The following DLG2 variants were observed in gnomAD, a reference collection of about 807,000 sequenced individuals.
DLG2 encodes disks large homolog 2.
A neutral mutation model predicts 132.5 loss-of-function variants in DLG2; 45 were observed. The ratio of observed to expected loss-of-function variants is 0.34; its 90% CI spans 0.27 to 0.44. The LOEUF is 0.44. Ranked by LOEUF, DLG2 falls within the 20% of genes least tolerant of loss-of-function variation. The pLI is 1.00. For synonymous variants in DLG2, 424 were observed against 419.6 expected, an observed-to-expected ratio of 1.01 and a Z score of -0.13; for missense variants, 1,045 against 1,196.9, an observed-to-expected ratio of 0.87 and a Z score of 1.87.
Position 83,788,700 on chromosome 11 carries a change from C to T in DLG2, c.1723-1908G>A, listed in dbSNP as rs868178332. ...AACTTCACATGCCAAATAATTTATTCTCTTGTCAAACAGTTAAGGTTTACT... is the reference window on the plus strand; with the variant it reads ...AACTTCACATGCCAAATAATTTATTTTCTTGTCAAACAGTTAAGGTTTACT... On this transcript the variant is annotated intron_variant, in intron 17 of 27. Transcript: ENST00000376104. Among the ~76,000 whole-genome samples the T allele has an allele frequency of 3.9e-5, 6 of 152,188 alleles. No homozygotes were observed. The South Asian group carries it at 1.0e-3, about 26-fold the overall frequency.
At chr11:85,568,731 T>C (rs934873372) in intron 3 of DLG2, among the ~76,000 whole-genome samples, 6 of 152,208 alleles carry the variant, frequency 3.9e-5, no homozygotes, top group Non-Finnish European at 8.8e-5. Context: ...CTTATAATCC[T>C]TATTTCTGTA....
intron 6 of DLG2, among the ~76,000 whole-genome samples, chr11:84,705,970 G>C (rs534621501): frequency 6.6e-6 from 1 of 151,878 alleles, no homozygotes; most frequent in East Asian, 2.0e-4. Flanking sequence ...CCCAGACTCT[G>C]ACACCTCATG....
intron 8 of DLG2, among the ~76,000 whole-genome samples, chr11:84,240,188 A>G (rs1357493034): frequency 6.6e-6 from 1 of 152,206 alleles, no homozygotes; most frequent in Non-Finnish European, 1.5e-5. Flanking sequence ...GGCCTCTTGG[A>G]CTACATGTGC....
intron 4 of DLG2, among the ~76,000 whole-genome samples, chr11:85,234,184 G>A (rs975644314): frequency 2.6e-5 from 4 of 151,928 alleles, no homozygotes; most frequent in Admixed American, 2.6e-4. Context: ...ATACAGGAAG[G>A]TACATCAACA....
intron 3 of DLG2, among the ~76,000 whole-genome samples, chr11:85,515,288 C>G (rs1474451068): frequency 6.6e-6 from 1 of 151,854 alleles, no homozygotes; most frequent in African/African-American, 2.4e-5. Context: ...TATGAGTTCT[C>G]TAACGGGGGC....
At chr11:84,361,750 T>C (rs146235187) in intron 7 of DLG2, among the ~76,000 whole-genome samples, 4,055 of 152,078 alleles carry the variant, frequency 0.027, 90 homozygotes, top group Middle Eastern at 0.054. Flanking sequence ...ATGACTTACA[T>C]AGAGAAATAA....
chr11:85,552,808 T>C (rs2076739553), intron 3 of DLG2, among the ~76,000 whole-genome samples: 1 of 151,464 alleles, frequency 6.6e-6, no homozygotes, highest in Non-Finnish European at 1.5e-5. Flanking sequence ...AACATTCATC[T>C]ATCTATTTAA....
At chr11:83,951,970 T>A (rs1050047195) in intron 14 of DLG2, among the ~76,000 whole-genome samples, 1 of 152,014 alleles carries the variant, frequency 6.6e-6, no homozygotes, top group African/African-American at 2.4e-5. Flanking sequence ...ATATAGAATA[T>A]GAAAGGCGGA....
rs148062907 is a variant in DLG2 at position 83,505,074 on chromosome 11, T to A, written c.2194-20846A>T. ...GTACCATGACAGTGGATAAGGCACT[T>A]CATGAGTCCACAGATGGTAGTCTTG... On this transcript the variant is annotated intron_variant, in intron 21 of 27. Coordinates refer to ENST00000376104, the MANE Select transcript of DLG2 (RefSeq NM_001142699.3). 6.9e-3 allele frequency among the ~76,000 whole-genome samples: 1,055 copies of A among 152,238 alleles called. 18 individuals carry two copies. The highest frequency in any genetic ancestry group is 0.025 in the African/African-American group (1,022 of 41,538).
At chr11:85,483,341 A>T (rs757073170) in intron 3 of DLG2, among the ~76,000 whole-genome samples, 82 of 152,276 alleles carry the variant, frequency 5.4e-4, no homozygotes, top group Non-Finnish European at 8.1e-4. Context: ...AATTTTTTTT[A>T]AAAAATGTGC....
At position 83,493,332 on chromosome 11, in the gene DLG2, TTTCTTTCCTTCCTTCC is replaced by T. The variant is rs1210722469; in HGVS notation, c.2194-9120_2194-9105del. 4.4e-3 allele frequency among the ~76,000 whole-genome samples: 601 copies of T among 135,882 alleles called. 5 individuals carry two copies. Among genetic ancestry groups the T allele is most frequent in the African/African-American group, 0.016 (558 of 35,408 alleles). 89.1% of individuals were successfully genotyped at this position (135,882 alleles called of 152,430 possible). On this transcript the variant is annotated intron_variant, in intron 21 of 27. Transcript: ENST00000376104. ...ACTATTTGCCTTCCTTTGTCTTTTC[TTTCTTTCCTTCCTTCC>T]TTCCTTCCTTCCTTCCTTCCTTCCT...
chr11:84,429,804 C>T (rs189047191), intron 7 of DLG2, among the ~76,000 whole-genome samples: 46 of 152,096 alleles, frequency 3.0e-4, no homozygotes, highest in Non-Finnish European at 4.6e-4. Flanking sequence ...CATTTTCCAA[C>T]GTAATATCAC....
chr11:84,102,590 G>T (rs2092622245), intron 9 of DLG2, among the ~76,000 whole-genome samples: 1 of 152,132 alleles, frequency 6.6e-6, no homozygotes, highest in Non-Finnish European at 1.5e-5. Flanking sequence ...GCACTACTCT[G>T]TAAGGGATAG....
At chr11:85,520,800 G>T (rs1351539245) in intron 3 of DLG2, among the ~76,000 whole-genome samples, 2 of 152,034 alleles carry the variant, frequency 1.3e-5, no homozygotes, top group African/African-American at 4.8e-5. Flanking sequence ...TGGGAAAGCT[G>T]GATATTCATA....
intron 7 of DLG2, among the ~76,000 whole-genome samples, chr11:84,525,100 A>G (rs1035209301): frequency 7.2e-5 from 11 of 151,988 alleles, no homozygotes; most frequent in African/African-American, 2.7e-4. Flanking sequence ...AAGCCCATAT[A>G]TGGTGGTGGT....
At chr11:85,292,280 C>G (rs1200000441) in intron 3 of DLG2, among the ~76,000 whole-genome samples, 1 of 152,054 alleles carries the variant, frequency 6.6e-6, no homozygotes, top group East Asian at 1.9e-4. Flanking sequence ...GGTAAACGTC[C>G]TATCTTAGGC....
At chr11:84,074,859 T>A (rs1303168838) in intron 10 of DLG2, among the ~76,000 whole-genome samples, 1 of 152,140 alleles carries the variant, frequency 6.6e-6, no homozygotes, top group African/African-American at 2.4e-5. Context: ...TTAAATCAGA[T>A]AATATCAATC....
intron 2 of DLG2, among the ~76,000 whole-genome samples, chr11:85,609,357 C>T (rs1399247939): frequency 6.6e-6 from 1 of 152,100 alleles, no homozygotes; most frequent in Non-Finnish European, 1.5e-5. Flanking sequence ...ACCAGGCAAC[C>T]TCAGTGTTCT....
intron 11 of DLG2, among the ~76,000 whole-genome samples, chr11:84,056,340 A>G (rs72949878): frequency 0.017 from 2,553 of 152,102 alleles, 26 homozygotes; most frequent in Non-Finnish European, 0.025. Context: ...CTGTTACTGC[A>G]TTAGTTTGCT....
Sources: allele counts gnomAD v4.1 joint callset (sites outside exome capture counted in the v4.1 genomes callset), GRCh38; gene constraint gnomAD v4.1.1; transcripts MANE v1.5; gene names NCBI Gene and HGNC (gene_info 2026-07-23, HGNC 2026-07-21).